The following LINC00632 variants were observed in gnomAD, a reference collection of about 807,000 sequenced individuals.
The protein encoded by LINC00632 is ALDOA related specific transcript.
At chrX:140,723,641 A>G (rs1327645670) in intron 2 of LINC00632, among the ~76,000 whole-genome samples, 189 of 103,716 alleles carry the variant, frequency 1.8e-3, no homozygotes, top group Non-Finnish European at 3.2e-3. Flanking sequence ...ACACACACAC[A>G]TTCCATACAC....
exon 5 of LINC00632, among the ~76,000 whole-genome samples, chrX:140,781,289 G>A (rs148572746): frequency 1.8e-5 from 2 of 111,233 alleles, no homozygotes; most frequent in Non-Finnish European, 3.8e-5. Flanking sequence ...TGAAGCCAGG[G>A]TGCCTGAGAA....
intron 3 of LINC00632, among the ~76,000 whole-genome samples, chrX:140,740,238 C>A (rs760030406): frequency 9.0e-6 from 1 of 111,640 alleles, no homozygotes; most frequent in Admixed American, 9.6e-5. Flanking sequence ...CTCTGTTTTT[C>A]TTCATAAGTA....
exon 5 of LINC00632, among the ~76,000 whole-genome samples, chrX:140,774,963 G>A (rs945016076): frequency 2.7e-5 from 3 of 111,707 alleles, no homozygotes; most frequent in African/African-American, 6.5e-5. Context: ...CCTAACTTGC[G>A]ATCTCACCAG....
intron 3 of LINC00632, among the ~76,000 whole-genome samples, chrX:140,755,958 A>G (rs1931485798): frequency 9.1e-6 from 1 of 110,089 alleles, no homozygotes; most frequent in South Asian, 3.8e-4. Context: ...ATTAAAATGG[A>G]CAAGTACATA....
Position 140,744,583 on chromosome X carries a change from G to C in LINC00632, n.191+10619G>C, listed in dbSNP as rs1931295350. 5.6e-5 allele frequency among the ~76,000 whole-genome samples: 4 copies of C among 71,841 alleles called. 1 individual carries two copies. The highest frequency in any genetic ancestry group is 1.7e-4 in the Admixed American group (1 of 5,875). 62.4% of individuals were successfully genotyped at this position (71,841 alleles called of 115,157 possible). ...GCTTTTTTTTGGGGGGGGGGGTGGG[G>C]GGAGGAGATGGAGTCTTGCTTTGTC... On this transcript the variant is annotated intron_variant and non_coding_transcript_variant, in intron 3 of 4. Coordinates refer to ENST00000648200, the Ensembl canonical transcript of LINC00632.
chrX:140,756,400 A>AATTAATAAAGCCTGCACAGCTTT (rs1931494379), intron 3 of LINC00632, among the ~76,000 whole-genome samples: 1 of 112,370 alleles, frequency 8.9e-6, no homozygotes, highest in Non-Finnish European at 1.9e-5. Context: ...ATCGAATGCC[A>AATTAATAAAGCCTGCACAGCTTT]ATTAATAAAG....
chrX:140,738,904 T>C (rs769023829), intron 3 of LINC00632, among the ~76,000 whole-genome samples: 1 of 112,204 alleles, frequency 8.9e-6, no homozygotes, highest in African/African-American at 3.2e-5. Flanking sequence ...TAAGTTTCCC[T>C]AAAACCACTT....
intron 3 of LINC00632, among the ~76,000 whole-genome samples, chrX:140,746,162 AAACTG>A (rs1931324768): frequency 8.9e-6 from 1 of 112,578 alleles, no homozygotes; most frequent in Non-Finnish European, 1.9e-5. Context: ...TGATTAACTC[AAACTG>A]ACAAATCCAT....
intron 3 of LINC00632, among the ~76,000 whole-genome samples, chrX:140,746,539 G>A (rs1010903530): frequency 8.9e-6 from 1 of 112,253 alleles, no homozygotes; most frequent in African/African-American, 3.2e-5. Flanking sequence ...GGGATCCAGT[G>A]TGAAGTTACA....
chrX:140,727,741 A>T (rs771548749), intron 2 of LINC00632, among the ~76,000 whole-genome samples: 1 of 112,232 alleles, frequency 8.9e-6, no homozygotes, highest in South Asian at 3.7e-4. Flanking sequence ...GCCTACAGTG[A>T]ACCTACAAGA....
chrX:140,769,563 A>G (rs1449496080), intron 3 of LINC00632, among the ~76,000 whole-genome samples: 4 of 110,607 alleles, frequency 3.6e-5, no homozygotes, highest in Admixed American at 2.9e-4. Flanking sequence ...AATCCTAAAT[A>G]TCTGCTGTTT....
exon 2 of LINC00632, chrX:140,711,636 A>G: frequency 3.1e-6 from 1 of 318,408 alleles, no homozygotes; most frequent in Middle Eastern, 4.5e-4. Context: ...ATTCGTAGAC[A>G]TGGAATTCCT....
chrX:140,785,184 T>TATAATATAATAATA (rs1556030719), exon 5 of LINC00632, among the ~76,000 whole-genome samples: 10 of 104,803 alleles, frequency 9.5e-5, no homozygotes, highest in African/African-American at 2.8e-4. Flanking sequence ...ATAATAATAA[T>TATAATATAATAATA]ATAATAATAA....
At chrX:140,756,790 G>A (rs1456349842) in intron 3 of LINC00632, among the ~76,000 whole-genome samples, 1 of 110,515 alleles carries the variant, frequency 9.0e-6, no homozygotes, top group Admixed American at 9.6e-5. Context: ...TTTTTTTCTG[G>A]GTAATTACTT....
intron 2 of LINC00632, among the ~76,000 whole-genome samples, chrX:140,720,929 C>T (rs1930718245): frequency 9.0e-6 from 1 of 111,348 alleles, no homozygotes; most frequent in Non-Finnish European, 1.9e-5. Context: ...AACACACAAT[C>T]TCACTGCAAC....
intron 3 of LINC00632, among the ~76,000 whole-genome samples, chrX:140,750,701 G>A (rs1931398300): frequency 9.0e-6 from 1 of 110,859 alleles, no homozygotes; most frequent in African/African-American, 3.3e-5. Context: ...GGTGATTTCT[G>A]AGAGTTTGGT....
chrX:140,743,431 AAG>A (rs1489314944), intron 3 of LINC00632, among the ~76,000 whole-genome samples: 2 of 109,357 alleles, frequency 1.8e-5, no homozygotes, highest in Non-Finnish European at 3.8e-5. Flanking sequence ...CTTCTGCAGT[AAG>A]AGAGTTTTTT....
intron 2 of LINC00632, chrX:140,712,352 C>A (rs1490477857): frequency 1.9e-5 from 2 of 105,569 alleles, no homozygotes; most frequent in Non-Finnish European, 3.9e-5. Context: ...ACCTGATATC[C>A]CAATTGTGTG....
chrX:140,787,621 TTCA>T (rs1371212626), exon 5 of LINC00632, among the ~76,000 whole-genome samples: 3 of 111,444 alleles, frequency 2.7e-5, no homozygotes, highest in Admixed American at 9.6e-5. Context: ...CATCATAATG[TTCA>T]TCACAGCAAA....
Sources: allele counts gnomAD v4.1 joint callset (sites outside exome capture counted in the v4.1 genomes callset), GRCh38; gene constraint gnomAD v4.1.1; transcripts MANE v1.5; gene names NCBI Gene and HGNC (gene_info 2026-07-23, HGNC 2026-07-21).